ARHGEF38: variants seen among roughly 807,000 people sequenced by gnomAD.
ARHGEF38 encodes the protein Rho guanine nucleotide exchange factor (GEF) 38.
ARHGEF38 carries 79 observed loss-of-function variants against 79.9 expected under a neutral mutation model. The observed-to-expected ratio is 0.99, with a 90% CI of 0.82 to 1.19. The LOEUF is 1.19. ARHGEF38 is among the 50% of genes most tolerant of loss of function. ARHGEF38 has a pLI of 0.00. For missense variants in ARHGEF38, 962 were observed against 907.2 expected, an observed-to-expected ratio of 1.06 and a Z score of -0.78; for synonymous variants, 366 against 328.3, an observed-to-expected ratio of 1.11 and a Z score of -1.24.
At chr4:105,607,285 T>C (rs1728089681) in intron 2 of ARHGEF38, among the ~76,000 whole-genome samples, 1 of 152,168 alleles carries the variant, frequency 6.6e-6, no homozygotes, top group African/African-American at 2.4e-5. Context: ...TGTAATTGTT[T>C]TGAACAACTA....
At chr4:105,626,798 A>T (rs2110511632) in intron 3 of ARHGEF38, among the ~76,000 whole-genome samples, 2 of 151,750 alleles carry the variant, frequency 1.3e-5, no homozygotes, top group South Asian at 4.2e-4. Context: ...TCACCTCCTT[A>T]ATGTTGCACA....
chr4:105,672,701 C>A (rs967433471), intron 13 of ARHGEF38, among the ~76,000 whole-genome samples: 1 of 152,176 alleles, frequency 6.6e-6, no homozygotes, highest in African/African-American at 2.4e-5. Flanking sequence ...GGATGCCCTG[C>A]TTAAGATCTC....
intron 2 of ARHGEF38, among the ~76,000 whole-genome samples, chr4:105,593,047 A>T (rs984912311): frequency 6.6e-6 from 1 of 152,224 alleles, no homozygotes; most frequent in Admixed American, 6.5e-5. Context: ...CTTAAAAACC[A>T]AAATCAAACA....
intron 2 of ARHGEF38, among the ~76,000 whole-genome samples, chr4:105,612,384 C>A (rs1578310507): frequency 6.6e-6 from 1 of 152,018 alleles, no homozygotes; most frequent in East Asian, 1.9e-4. Flanking sequence ...GGTTTTAAGC[C>A]AGCAACTCTG....
At chr4:105,647,928 C>T (rs1300132500) in intron 6 of ARHGEF38, among the ~76,000 whole-genome samples, 3 of 139,934 alleles carry the variant, frequency 2.1e-5, no homozygotes, top group Non-Finnish European at 4.5e-5. Flanking sequence ...CTTGCTCTGT[C>T]ATCCATGCTG....
chr4:105,558,618 C>T (rs945696262), intron 1 of ARHGEF38, among the ~76,000 whole-genome samples: 3 of 151,978 alleles, frequency 2.0e-5, no homozygotes, highest in Non-Finnish European at 4.4e-5. Flanking sequence ...ATTTTACTTT[C>T]CTATTTTTTT....
chr4:105,613,383 G>T lies in ARHGEF38; in HGVS notation c.385-1G>T. 1.9e-6 allele frequency: 3 copies of T among 1,612,040 alleles called. No homozygotes were observed. Among genetic ancestry groups the T allele is most frequent in the Non-Finnish European group, 1.7e-6 (2 of 1,178,824 alleles). ...CAGCTCAATGTTTTTTGTTTCTTCA[G>T]ACTGATAGGCTGGATGTGGATAGCT... On this transcript the variant is annotated splice_acceptor_variant, in intron 2 of 13. Transcript: ENST00000420470. LOFTEE classifies it high-confidence loss of function.
chr4:105,661,681 A>G (rs1158577131), intron 10 of ARHGEF38, among the ~76,000 whole-genome samples: 4 of 152,010 alleles, frequency 2.6e-5, no homozygotes, highest in Non-Finnish European at 2.9e-5. Context: ...TTGCATATAC[A>G]CATCTGTGTA....
chr4:105,682,451 A>G, downstream of ARHGEF38: 1 of 279,518 alleles, frequency 3.6e-6, no homozygotes, highest in Non-Finnish European at 6.7e-6. Context: ...CTTTTTCCTT[A>G]AATTCACAGA....
At chr4:105,558,815 G>A (rs972855343) in intron 1 of ARHGEF38, among the ~76,000 whole-genome samples, 9 of 127,384 alleles carry the variant, frequency 7.1e-5, no homozygotes, top group African/African-American at 2.6e-4. Context: ...TTCTAGTTGT[G>A]CTTTTTTTTT....
At chr4:105,625,844 A>T (rs1405428146) in intron 3 of ARHGEF38, among the ~76,000 whole-genome samples, 3 of 152,170 alleles carry the variant, frequency 2.0e-5, no homozygotes, top group Non-Finnish European at 4.4e-5. Flanking sequence ...CAACTTAGTC[A>T]ATCTTGGCAG....
intron 3 of ARHGEF38, among the ~76,000 whole-genome samples, chr4:105,620,954 G>C (rs147695261): frequency 8.2e-4 from 125 of 152,216 alleles, no homozygotes; most frequent in Non-Finnish European, 1.4e-3. Flanking sequence ...TCATAATTTT[G>C]GAAGCCTGCC....
At chr4:105,648,840 CTCTCTCTT>C (rs1415452981) in intron 7 of ARHGEF38, among the ~76,000 whole-genome samples, 158 bp downstream of exon 7, 92 of 150,886 alleles carry the variant, frequency 6.1e-4, no homozygotes, top group Middle Eastern at 3.4e-3. Context: ...CTCTCTCTCT[CTCTCTCTT>C]TCTCTCTCTC....
intron 3 of ARHGEF38, among the ~76,000 whole-genome samples, chr4:105,624,880 G>C (rs1327574577): frequency 6.6e-6 from 1 of 152,182 alleles, no homozygotes; most frequent in Non-Finnish European, 1.5e-5. Context: ...TCGCTCAGCT[G>C]TGTGTGTCAC....
intron 3 of ARHGEF38, among the ~76,000 whole-genome samples, chr4:105,614,211 A>T (rs371558690): frequency 1.8e-4 from 27 of 152,292 alleles, no homozygotes; most frequent in African/African-American, 6.3e-4. Context: ...GACATCATAC[A>T]GTGTCATGTA....
In ARHGEF38 at chr4:105,652,324, C is replaced by T. The variant is rs1032587190; in HGVS notation, c.1009-1741C>T. On this transcript the variant is annotated intron_variant, in intron 7 of 13. Transcript: ENST00000420470. ...ACACAGTCAGTGTTTAACAAATGTT[C>T]GCTATTATTTTCATTAAAACAACAA... Among the ~76,000 whole-genome samples the T allele has an allele frequency of 1.2e-4, 18 of 152,216 alleles. No homozygotes were observed. The South Asian group carries it at 2.7e-3, about 23-fold the overall frequency.
At chr4:105,623,903 T>C (rs771059039) in intron 3 of ARHGEF38, among the ~76,000 whole-genome samples, 4 of 152,142 alleles carry the variant, frequency 2.6e-5, no homozygotes, top group African/African-American at 4.8e-5. Flanking sequence ...CCACCTCCCA[T>C]GGCCAGATGT....
rs1459837545 is a variant in ARHGEF38 at position 105,680,483 on chromosome 4, C to T, written c.*2546C>T. On this transcript the variant is annotated 3_prime_UTR_variant, in exon 14 of 14. Transcript: ENST00000420470. ...GGGGAAAACATCTGCACATAACAAA[C>T]TAAATAAAATGATCATAAAATAATA... is the stretch of plus-strand genomic sequence containing the variant. 1 of 153,830 alleles carries T rather than the reference C, an allele frequency of 6.5e-6. No individual in the cohort carries two copies. Among genetic ancestry groups the T allele is most frequent in the Non-Finnish European group, 1.4e-5 (1 of 69,280 alleles). 9.5% of individuals were successfully genotyped at this position (153,830 alleles called of 1,614,324 possible). A position where few individuals can be genotyped will look rare whatever the true frequency, so the allele number is the denominator to read the frequency against.
At position 105,667,378 on chromosome 4, in the gene ARHGEF38, A is replaced by G. The variant is rs966475247; in HGVS notation, c.1888+51A>G. 8 of 1,532,454 alleles carry G rather than the reference A, an allele frequency of 5.2e-6. No homozygotes were observed. The African/African-American group carries it at 8.2e-5, about 16-fold the overall frequency. 94.9% of individuals were successfully genotyped at this position (1,532,454 alleles called of 1,614,324 possible). On this transcript the variant is annotated intron_variant, in intron 12 of 13. Transcript: ENST00000420470. ...TCTTCTTTAAACTGAGATTTTTCTG[A>G]GGGCACATGTTTGGGAAGAGTATAC...
Sources: gnomAD v4.1 joint callset for allele counts (sites outside exome capture counted in the v4.1 genomes callset) on GRCh38, gnomAD v4.1.1 for gene constraint, MANE v1.5 for transcripts, NCBI Gene and HGNC (gene_info 2026-07-23, HGNC 2026-07-21) for gene names.